SLC4A11: variants seen among roughly 807,000 people sequenced by gnomAD.
SLC4A11 encodes solute carrier family 4 member 11, also known as bicarbonate transporter related protein 1.
A neutral mutation model predicts 95.0 loss-of-function variants in SLC4A11; 74 were observed. The ratio of observed to expected loss-of-function variants is 0.78; its 90% CI spans 0.65 to 0.95. SLC4A11 has a LOEUF of 0.95. SLC4A11 is among the 40% of genes least tolerant of loss of function. The pLI, the probability that SLC4A11 is intolerant of heterozygous loss-of-function variation, is 0.00. For missense variants in SLC4A11, 1,081 were observed against 1,192.4 expected (o/e 0.91, Z 1.38); for synonymous variants, 548 against 519.0 (o/e 1.06, Z -0.76).
At chr20:3,238,538 T>C in intron 1 of SLC4A11, 1 of 993,242 alleles carries the variant, frequency 1.0e-6, no homozygotes, top group Non-Finnish European at 1.2e-6. Flanking sequence ...AGGTAAAGGG[T>C]CGTACAAACC....
chr20:3,239,167 C>T lies in SLC4A11; in HGVS notation c.-30G>A, dbSNP rs2068080374. The stretch of plus-strand genomic sequence containing the variant: ...CACTCGCGCACTCACGGCCGGGCTC[C>T]TCACGCGGCGCTCCGGCGCTTCTGG... On this transcript the variant is annotated 5_prime_UTR_variant, in exon 1 of 20. Coordinates refer to ENST00000642402, the MANE Select transcript of SLC4A11 (RefSeq NM_001174089.2). The T allele has an allele frequency of 1.2e-5, 17 of 1,438,618 alleles. No homozygotes were observed. Among genetic ancestry groups the T allele is most frequent in the Non-Finnish European group, 1.5e-5 (17 of 1,096,858 alleles). 89.1% of individuals were successfully genotyped at this position (1,438,618 alleles called of 1,614,324 possible).
At chr20:3,237,819 G>A (rs1282178765) in intron 1 of SLC4A11, 3 of 1,569,958 alleles carry the variant, frequency 1.9e-6, no homozygotes, top group Non-Finnish European at 2.6e-6. Flanking sequence ...ATCTGCTAGG[G>A]GCTGCCCAGG....
In SLC4A11 at chr20:3,234,344, G is replaced by A. The variant is rs746187750; in HGVS notation, c.292-30C>T. ...GGGGACCCCAGGGACAGAACCACAC[G>A]GGCCCATGTATGAGATGCTGTCACT... is the stretch of plus-strand genomic sequence containing the variant. On this transcript the variant is annotated intron_variant, in intron 4 of 19. Transcript: ENST00000642402. This position sits in a 1 kb window ranked among gnomAD's most constrained non-coding sequence, Gnocchi z 5.8. 49 of 1,599,558 alleles carry A rather than the reference G, an allele frequency of 3.1e-5. No individual in the cohort carries two copies. The highest frequency in any genetic ancestry group is 4.4e-5 in the South Asian group (4 of 90,718).
Position 3,238,249 on chromosome 20 carries a change from C to G in SLC4A11, c.44-661G>C. ...CACATGGGTCGGGGGAGGCTGCGCC[C>G]TCCCTGGGCCGGTCCCCGGATGGTC... On this transcript the variant is annotated intron_variant, in intron 1 of 19. Coordinates refer to ENST00000642402, the MANE Select transcript of SLC4A11 (RefSeq NM_001174089.2). 3 of 1,336,054 alleles carry G rather than the reference C, an allele frequency of 2.2e-6. 1 individual carries two copies. In the South Asian group the frequency reaches 6.8e-5, roughly 30 times the overall value. The allele number at this position is 1,336,054 out of a possible 1,614,324, so 82.8% of individuals were successfully genotyped here. A position where few individuals can be genotyped will look rare whatever the true frequency, so the allele number is the denominator to read the frequency against.
chr20:3,239,160 C>T lies in SLC4A11; in HGVS notation c.-23G>A. Reference sequence around the variant, plus strand: ...CATGGCACACTCGCGCACTCACGGCCGGGCTCCTCACGCGGCGCTCCGGCG... The same window carrying T: ...CATGGCACACTCGCGCACTCACGGCTGGGCTCCTCACGCGGCGCTCCGGCG... On this transcript the variant is annotated 5_prime_UTR_variant, in exon 1 of 20. Coordinates refer to ENST00000642402, the MANE Select transcript of SLC4A11 (RefSeq NM_001174089.2). The T allele has an allele frequency of 6.9e-7, 1 of 1,445,834 alleles. No individual in the cohort carries two copies. Among genetic ancestry groups the T allele is most frequent in the Non-Finnish European group, 9.1e-7 (1 of 1,100,612 alleles). 89.6% of individuals were successfully genotyped at this position (1,445,834 alleles called of 1,614,324 possible).
chr20:3,228,489 C>T (rs2067620560), intron 18 of SLC4A11, 23 bp downstream of exon 18: 1 of 1,612,984 alleles, frequency 6.2e-7, no homozygotes, highest in Non-Finnish European at 8.5e-7. Context: ...CCACGCCACT[C>T]CCTCGCAGGG....
intron 12 of SLC4A11, 22 bp from the exon 13 acceptor site, chr20:3,230,282 C>T (rs760584408): frequency 8.1e-6 from 13 of 1,613,308 alleles, no homozygotes; most frequent in Non-Finnish European, 1.0e-5. Flanking sequence ...CCATGAGCCT[C>T]ATCAGAGTGG....
Position 3,234,348 on chromosome 20 carries a change from C to T in SLC4A11, c.292-34G>A, listed in dbSNP as rs749796926. 1.0e-5 allele frequency: 16 copies of T among 1,596,496 alleles called. No individual in the cohort carries two copies. The South Asian group carries it at 1.5e-4, about 15-fold the overall frequency. On this transcript the variant is annotated intron_variant, in intron 4 of 19. Coordinates refer to ENST00000642402, the MANE Select transcript of SLC4A11 (RefSeq NM_001174089.2). The surrounding 1 kb of genome is among the most constrained non-coding windows in gnomAD (Gnocchi z 5.8). ...ACCCCAGGGACAGAACCACACGGGCCCATGTATGAGATGCTGTCACTGCCT... is the reference window on the plus strand; with the variant it reads ...ACCCCAGGGACAGAACCACACGGGCTCATGTATGAGATGCTGTCACTGCCT...
Position 3,231,493 on chromosome 20 carries a change from T to C in SLC4A11, c.785A>G (p.Asp262Gly). 6.2e-7 allele frequency: 1 copy of C among 1,613,994 alleles called. No homozygotes were observed. The highest frequency in any genetic ancestry group is 8.5e-7 in the Non-Finnish European group (1 of 1,180,012). The change falls in exon 8 of 20, where the codon GAT becomes GGT. Residue 262 changes from aspartate (D) to glycine (G), a missense_variant. Coordinates refer to ENST00000642402, the MANE Select transcript of SLC4A11 (RefSeq NM_001174089.2). The surrounding 1 kb of genome is among the most constrained non-coding windows in gnomAD (Gnocchi z 5.2). ...VARTFATMFS[D>G]IAFRQKLLET... is the part of the protein sequence containing the mutation. ...CAGGAGCTTCTGGCGGAAGGCGATA[T>C]CCGAGAACATGGTGGCAAACGTGCG...
intron 2 of SLC4A11, among the ~76,000 whole-genome samples, 167 bp downstream of exon 2, chr20:3,237,377 C>T (rs1394521164): frequency 6.6e-6 from 1 of 152,136 alleles, no homozygotes; most frequent in East Asian, 1.9e-4. Flanking sequence ...ACGGGGGATC[C>T]GCCCATGTCT....
At chr20:3,227,897 G>C (rs756054005) in intron 19 of SLC4A11, 41 bp from the exon 20 acceptor site, 3 of 1,597,396 alleles carry the variant, frequency 1.9e-6, no homozygotes, top group South Asian at 2.2e-5. Flanking sequence ...CTGGGTCAGA[G>C]AGAAGGCAGT....
chr20:3,237,830 CGG>C (rs1232407633), intron 1 of SLC4A11: 6 of 1,562,368 alleles, frequency 3.8e-6, no homozygotes, highest in African/African-American at 2.7e-5. Flanking sequence ...GCTGCCCAGG[CGG>C]GCCAGAGGCG....
intron 2 of SLC4A11, among the ~76,000 whole-genome samples, chr20:3,236,414 G>A (rs1008580222): frequency 3.3e-5 from 5 of 152,164 alleles, no homozygotes; most frequent in Non-Finnish European, 4.4e-5. Context: ...GTGAAACCCT[G>A]TCTCTACTAA....
rs577325409 is a variant in SLC4A11 at position 3,231,100 on chromosome 20, G to T, written c.1043-42C>A. The stretch of plus-strand genomic sequence containing the variant: ...GGAGAGAGGGTTTGCTGGGGATGCA[G>T]GACAGGCACACGTGTGGGCCCAAGG... On this transcript the variant is annotated intron_variant, in intron 9 of 19. Coordinates refer to ENST00000642402, the MANE Select transcript of SLC4A11 (RefSeq NM_001174089.2). The surrounding 1 kb of genome is among the most constrained non-coding windows in gnomAD (Gnocchi z 5.2). 9 of 1,614,150 alleles carry T rather than the reference G, an allele frequency of 5.6e-6. No individual in the cohort carries two copies. In the Admixed American group the frequency reaches 1.3e-4, roughly 24 times the overall value.
intron 7 of SLC4A11, among the ~76,000 whole-genome samples, chr20:3,233,054 A>AG (rs2067832589): frequency 6.6e-6 from 1 of 152,196 alleles, no homozygotes; most frequent in African/African-American, 2.4e-5. Context: ...AGGCCTTGGG[A>AG]GGGGTCCTGG....
In SLC4A11 at chr20:3,238,686, A is replaced by G. The variant is rs145101900; in HGVS notation, c.43+409T>C. 5.1e-3 allele frequency: 5,072 copies of G among 1,001,326 alleles called. 203 individuals are homozygous for G. In the African/African-American group the frequency reaches 0.082, roughly 16 times the overall value. The allele number at this position is 1,001,326 out of a possible 1,614,324, so 62.0% of individuals were successfully genotyped here. A position where few individuals can be genotyped will look rare whatever the true frequency, so the allele number is the denominator to read the frequency against. The stretch of plus-strand genomic sequence containing the variant: ...TCCGGGGCTCCCACCGCGGCGCCGG[A>G]CGGGAAGATGCCCGGGCGGAAGGTA... On this transcript the variant is annotated intron_variant, in intron 1 of 19. Coordinates refer to ENST00000642402, the MANE Select transcript of SLC4A11 (RefSeq NM_001174089.2).
At chr20:3,233,786 C>T (rs2067864358) in intron 6 of SLC4A11, 135 bp downstream of exon 6, 1 of 1,510,118 alleles carries the variant, frequency 6.6e-7, no homozygotes, top group Non-Finnish European at 9.1e-7. Flanking sequence ...AGTGCTCCAG[C>T]CCTCTTCTCC....
In SLC4A11 at chr20:3,234,366, C is replaced by T. The variant is rs1207617597; in HGVS notation, c.292-52G>A. ...CACGGGCCCATGTATGAGATGCTGT[C>T]ACTGCCTGGTCCCTCCCTCCCAGCC... On this transcript the variant is annotated intron_variant, in intron 4 of 19. Transcript: ENST00000642402. The surrounding 1 kb of genome is among the most constrained non-coding windows in gnomAD (Gnocchi z 5.8). 1 of 1,565,546 alleles carries T rather than the reference C, an allele frequency of 6.4e-7. No individual in the cohort carries two copies. The highest frequency in any genetic ancestry group is 1.7e-5 in the Admixed American group (1 of 59,070).
rs779879432 is a variant in SLC4A11 at position 3,234,752 on chromosome 20, G to A, written c.231C>T (p.Ala77=). ...CTGCAGCCCCCATACCAGTGTTGGT[G>A]GCCTGCATCTCAAGGTTGACATTGA... is the stretch of plus-strand genomic sequence containing the variant. ...FFVNVNLEMQ[A]TNTENEATSG... Residue 77 remains alanine (A), a synonymous_variant, in exon 3 of 20, where the codon GCC becomes GCT. Coordinates refer to ENST00000642402, the MANE Select transcript of SLC4A11 (RefSeq NM_001174089.2). This position sits in a 1 kb window ranked among gnomAD's most constrained non-coding sequence, Gnocchi z 5.8. The A allele has an allele frequency of 3.7e-6, 6 of 1,613,828 alleles. No individual in the cohort carries two copies. In the Admixed American group the frequency reaches 8.3e-5, roughly 22 times the overall value.
Sources: allele counts gnomAD v4.1 joint callset (sites outside exome capture counted in the v4.1 genomes callset), GRCh38; gene constraint gnomAD v4.1.1; non-coding constraint Gnocchi (gnomAD v3.1); transcripts MANE v1.5; gene names NCBI Gene and HGNC (gene_info 2026-07-23, HGNC 2026-07-21).